E2F7: variants seen among roughly 807,000 people sequenced by gnomAD.
E2F7 encodes E2F transcription factor 7.
In E2F7, 35 loss-of-function variants were observed where a neutral mutation model predicts 81.1. The ratio of observed to expected loss-of-function variants is 0.43; its 90% CI spans 0.33 to 0.57. The LOEUF (loss-of-function observed/expected upper bound fraction) is 0.57. Among genes scored for constraint, E2F7 ranks in the 20% least tolerant of loss-of-function variants. The pLI, the probability that E2F7 is intolerant of heterozygous loss-of-function variation, is 0.04. For synonymous variants in E2F7, 416 were observed against 416.2 expected (o/e 1.00, Z 0.01); for missense variants, 961 against 1,093.7 (o/e 0.88, Z 1.71).
chr12:77,043,343 C>A (rs1161626352), intron 6 of E2F7, 144 bp from the exon 7 acceptor site: 1 of 1,011,398 alleles, frequency 9.9e-7, no homozygotes, highest in South Asian at 1.6e-5. Context: ...GTGGCTCTGT[C>A]ATAAAATCAC....
At position 77,025,662 on chromosome 12, in the gene E2F7, A is replaced by T. The variant is rs778363866; in HGVS notation, c.2461T>A (p.Ser821Thr). ...GACATCACTGGACTTAGGTTTAGTG[A>T]GGGCTGACTCTGAAGCTGAGGGTCT... ...SADPQLQSQPSLNLSPVMSRS... is the reference protein window; with the variant it reads ...SADPQLQSQPTLNLSPVMSRS... Residue 821 changes from serine to threonine, a missense_variant, in exon 12 of 13, where the codon TCA becomes ACA. By Grantham distance (58) the Ser-to-Thr change is moderately conservative. Around this residue, in one of 3 missense-constraint regions of E2F7, gnomAD observed 587 missense variants for 620.3 expected, o/e 0.95. Coordinates refer to ENST00000322886, the MANE Select transcript of E2F7 (RefSeq NM_203394.3). 1 of 1,614,182 alleles carries T rather than the reference A, an allele frequency of 6.2e-7. No individual in the cohort carries two copies. Among genetic ancestry groups the T allele is most frequent in the Admixed American group, 1.7e-5 (1 of 60,016 alleles).
intron 6 of E2F7, 198 bp downstream of exon 6, chr12:77,044,439 G>A: frequency 1.6e-6 from 1 of 624,468 alleles, no homozygotes; most frequent in East Asian, 2.8e-5. Context: ...CGAGGAAAAG[G>A]CACTGACAGG....
chr12:77,061,594 T>C (rs1237676633), intron 2 of E2F7, among the ~76,000 whole-genome samples: 1 of 152,206 alleles, frequency 6.6e-6, no homozygotes, highest in Non-Finnish European at 1.5e-5. Flanking sequence ...GGTAATGAAG[T>C]TGGAAACTCC....
chr12:77,025,294 C>T (rs310832), intron 12 of E2F7, among the ~76,000 whole-genome samples: 12,119 of 152,190 alleles, frequency 0.08, 692 homozygotes, highest in Middle Eastern at 0.17. Context: ...AAAATCCCCC[C>T]GAACTATGCC....
At chr12:77,034,160 A>G in intron 7 of E2F7, 118 bp from the exon 8 acceptor site, 1 of 798,566 alleles carries the variant, frequency 1.3e-6, no homozygotes, top group Admixed American at 3.7e-5. Flanking sequence ...CCTATAAATC[A>G]AAAACTAAGA....
At chr12:77,045,827 T>C in intron 5 of E2F7, 1 of 573,392 alleles carries the variant, frequency 1.7e-6, no homozygotes, top group Non-Finnish European at 3.0e-6. Context: ...CAAACTCGAG[T>C]GAACTGCCAT....
rs959286663 is a variant in E2F7 at position 77,045,738 on chromosome 12, C to T, written c.829+300G>A. On this transcript the variant is annotated intron_variant, in intron 5 of 12. Coordinates refer to ENST00000322886, the MANE Select transcript of E2F7 (RefSeq NM_203394.3). ...TATAACTTTTTCAAAGTAAATCTTA[C>T]AGTTGCACAAAAAGAACCAGCATGG... The T allele has an allele frequency of 4.7e-5, 16 of 343,144 alleles. No homozygotes were observed. The South Asian group carries it at 1.0e-3, about 21-fold the overall frequency. The allele number at this position is 343,144 out of a possible 1,614,324, so 21.3% of individuals were successfully genotyped here.
At chr12:77,065,168 C>T (rs1271318634) in intron 1 of E2F7, among the ~76,000 whole-genome samples, 177 bp downstream of exon 1, 1 of 152,226 alleles carries the variant, frequency 6.6e-6, no homozygotes, top group Non-Finnish European at 1.5e-5. Context: ...CCTCTACTGC[C>T]GGGCCGGAGT....
intron 5 of E2F7, among the ~76,000 whole-genome samples, chr12:77,045,109 G>C (rs1370098003): frequency 6.6e-6 from 1 of 152,180 alleles, no homozygotes; most frequent in Non-Finnish European, 1.5e-5. Flanking sequence ...TTCTTGGAAA[G>C]ATTAATGTAG....
chr12:77,063,024 G>C (rs1168376620), intron 2 of E2F7, among the ~76,000 whole-genome samples: 1 of 152,154 alleles, frequency 6.6e-6, no homozygotes, highest in Non-Finnish European at 1.5e-5. Context: ...ATTGTGTGCA[G>C]TTCTGTGTAA....
chr12:77,045,097 A>G (rs1309401835), intron 5 of E2F7, among the ~76,000 whole-genome samples: 1 of 152,212 alleles, frequency 6.6e-6, no homozygotes, highest in Non-Finnish European at 1.5e-5. Flanking sequence ...TCCTGAAGCA[A>G]CTTCTTGGAA....
intron 2 of E2F7, among the ~76,000 whole-genome samples, chr12:77,059,225 A>G (rs1339038057): frequency 1.3e-5 from 2 of 152,170 alleles, no homozygotes; most frequent in African/African-American, 4.8e-5. Flanking sequence ...CCTCTACATC[A>G]AGAAAAAAAA....
At chr12:77,028,934 C>T (rs974536857) in intron 10 of E2F7, among the ~76,000 whole-genome samples, 11 of 152,106 alleles carry the variant, frequency 7.2e-5, no homozygotes, top group East Asian at 1.9e-4. Context: ...ATTGTGATTT[C>T]GAAGTAGAGA....
intron 2 of E2F7, among the ~76,000 whole-genome samples, chr12:77,063,123 G>A (rs2120768027): frequency 6.6e-6 from 1 of 152,252 alleles, no homozygotes; most frequent in South Asian, 2.1e-4. Context: ...CTACCTGCTC[G>A]AGCAGCCACT....
intron 9 of E2F7, among the ~76,000 whole-genome samples, chr12:77,032,448 ACT>A (rs1182540182): frequency 5.3e-5 from 8 of 151,610 alleles, no homozygotes; most frequent in Non-Finnish European, 1.0e-4. Flanking sequence ...TTTTCTAATT[ACT>A]CTGTTTAGCG....
chr12:77,024,211 G>A lies in E2F7; in HGVS notation c.2566-26C>T, dbSNP rs373342281. 48 of 1,606,898 alleles carry A rather than the reference G, an allele frequency of 3.0e-5. No homozygotes were observed. The African/African-American group carries it at 5.6e-4, about 19-fold the overall frequency. On this transcript the variant is annotated intron_variant, in intron 12 of 12. Coordinates refer to ENST00000322886, the MANE Select transcript of E2F7 (RefSeq NM_203394.3). ...CTGAAAAAAGAAAAAAGAAAAAACA[G>A]AAGTGAAGTCATATTGTTTCTGATC...
In E2F7 at chr12:77,047,899, G is replaced by A. The variant is rs191116554; in HGVS notation, c.539-1571C>T. On this transcript the variant is annotated intron_variant, in intron 4 of 12. Coordinates refer to ENST00000322886, the MANE Select transcript of E2F7 (RefSeq NM_203394.3). ...ATTAACACATCTTGTTTAGAGCATA[G>A]CATTCTATAAACCTTCCCATTAGAA... Among the ~76,000 whole-genome samples, 231 of 152,258 alleles carry A rather than the reference G, an allele frequency of 1.5e-3. 2 individuals are homozygous for A. The highest frequency in any genetic ancestry group is 0.012 in the Admixed American group (189 of 15,286).
intron 2 of E2F7, among the ~76,000 whole-genome samples, chr12:77,060,777 CCTT>C (rs1955071347): frequency 1.3e-5 from 2 of 152,170 alleles, no homozygotes; most frequent in South Asian, 2.1e-4. Context: ...CAACAACTCT[CCTT>C]CTTTCCAGAG....
intron 2 of E2F7, among the ~76,000 whole-genome samples, chr12:77,063,284 G>A (rs1199814324): frequency 6.6e-6 from 1 of 152,146 alleles, no homozygotes; most frequent in African/African-American, 2.4e-5. Flanking sequence ...TAAGTGAAAA[G>A]GTGAACGTTC....
Sources: gnomAD v4.1 joint callset for allele counts (sites outside exome capture counted in the v4.1 genomes callset) on GRCh38, gnomAD v4.1.1 for gene constraint, gnomAD v4.1.1 regional missense constraint, MANE v1.5 for transcripts, NCBI Gene and HGNC (gene_info 2026-07-23, HGNC 2026-07-21) for gene names.